The following RRH variants were observed in gnomAD, a reference collection of about 807,000 sequenced individuals.
The protein encoded by RRH is visual pigment-like receptor peropsin.
Under a neutral mutation model 33.1 loss-of-function variants are expected in RRH, and 36 were observed. The observed-to-expected ratio is 1.09, with a 90% confidence interval of 0.83 to 1.44. The LOEUF (loss-of-function observed/expected upper bound fraction) is 1.44. Among genes scored for constraint, RRH ranks in the 40% most tolerant of loss-of-function variants. The pLI is 0.00. For synonymous variants in RRH, 124 were observed against 140.2 expected (o/e 0.88, Z 0.82); for missense variants, 393 against 420.2 (o/e 0.94, Z 0.57).
At chr4:109,828,514 G>C (rs935971595) in intron 1 of RRH, among the ~76,000 whole-genome samples, 1 of 151,882 alleles carries the variant, frequency 6.6e-6, no homozygotes, top group Non-Finnish European at 1.5e-5. Flanking sequence ...AGAAGAGTAT[G>C]CACCATGGCA....
chr4:109,830,762 A>G (rs1733731607), intron 1 of RRH, among the ~76,000 whole-genome samples: 1 of 152,176 alleles, frequency 6.6e-6, no homozygotes, highest in African/African-American at 2.4e-5. Flanking sequence ...GTGAAAAGAA[A>G]GGGATCTAGG....
chr4:109,837,411 T>A, intron 4 of RRH, 26 bp from the exon 5 acceptor site: 12 of 1,607,250 alleles, frequency 7.5e-6, no homozygotes, highest in Non-Finnish European at 1.0e-5. Flanking sequence ...AAATGAGCAA[T>A]CATGATTGCC....
chr4:109,843,771 T>G lies in RRH; in HGVS notation c.900-312T>G, dbSNP rs181246376. ...CATCCTTTTAAATACATATAATTAT[T>G]TACTTTTAGTAGATGTCTTCAATCT... is the stretch of plus-strand genomic sequence containing the variant. On this transcript the variant is annotated intron_variant, in intron 6 of 6. Coordinates refer to ENST00000317735, the MANE Select transcript of RRH (RefSeq NM_006583.5). Among the ~76,000 whole-genome samples the G allele has an allele frequency of 1.1e-4, 17 of 152,326 alleles. No individual in the cohort carries two copies. In the East Asian group the frequency reaches 3.3e-3, roughly 29 times the overall value.
chr4:109,831,840 C>G (rs1199624751), intron 1 of RRH, among the ~76,000 whole-genome samples: 1 of 151,998 alleles, frequency 6.6e-6, no homozygotes, highest in Admixed American at 6.6e-5. Flanking sequence ...AGGAGAAGAA[C>G]CATGGTTAAG....
intron 2 of RRH, among the ~76,000 whole-genome samples, chr4:109,834,871 C>G (rs544695010): frequency 1.4e-4 from 22 of 152,294 alleles, no homozygotes; most frequent in African/African-American, 5.3e-4. Context: ...TTGGGATTGT[C>G]AGACTTTTAA....
chr4:109,837,608 A>T lies in RRH; in HGVS notation c.720+3A>T. On this transcript the variant is annotated splice_donor_region_variant and intron_variant, in intron 5 of 6. Transcript: ENST00000317735. The stretch of plus-strand genomic sequence containing the variant: ...CAGATCAGATAGATGTAACAAAGGT[A>T]AGAGATCAAAATCCTTGAAAAATTG... 1.2e-6 allele frequency: 2 copies of T among 1,612,436 alleles called. No homozygotes were observed. Among genetic ancestry groups the T allele is most frequent in the Non-Finnish European group, 1.7e-6 (2 of 1,178,764 alleles).
chr4:109,835,436 G>A lies in RRH; in HGVS notation c.368G>A (p.Arg123Gln), dbSNP rs145491028. The change falls in exon 3 of 7, where the codon CGA (arginine) becomes CAA (glutamine). Residue 123 changes from arginine (R) to glutamine (Q), a missense_variant. Physicochemically the swap from Arg to Gln is conservative, Grantham distance 43. Coordinates refer to ENST00000317735, the MANE Select transcript of RRH (RefSeq NM_006583.5). ...TTACTCACGGTCGTGGCTGTGGACC[G>A]ATACCTGACCATCTGCCTTCCTGAC... ...IGLLTVVAVD[R>Q]YLTICLPDVG... 40 of 1,613,604 alleles carry A rather than the reference G, an allele frequency of 2.5e-5. No homozygotes were observed. The highest frequency in any genetic ancestry group is 3.1e-5 in the Non-Finnish European group (36 of 1,179,722).
intron 1 of RRH, among the ~76,000 whole-genome samples, chr4:109,830,342 C>G (rs1027014030): frequency 1.2e-4 from 18 of 152,068 alleles, no homozygotes; most frequent in African/African-American, 4.1e-4. Flanking sequence ...GTGACATGAT[C>G]TGATTTGTGT....
Position 109,837,606 on chromosome 4 carries a change from G to A in RRH, c.720+1G>A. 1 of 1,612,918 alleles carries A rather than the reference G, an allele frequency of 6.2e-7. No homozygotes were observed. Among genetic ancestry groups the A allele is most frequent in the Non-Finnish European group, 8.5e-7 (1 of 1,179,128 alleles). ...GTCAGATCAGATAGATGTAACAAAG[G>A]TAAGAGATCAAAATCCTTGAAAAAT... On this transcript the variant is annotated splice_donor_variant, in intron 5 of 6. Transcript: ENST00000317735. LOFTEE classifies it high-confidence loss of function.
chr4:109,835,334 A>G (rs775170663), intron 2 of RRH, 32 bp from the exon 3 acceptor site: 1 of 1,429,534 alleles, frequency 7.0e-7, no homozygotes, highest in Non-Finnish European at 9.9e-7. Flanking sequence ...GGGTGTTTAG[A>G]ATGGTAGAGT....
chr4:109,844,372 T>G lies in RRH; in HGVS notation c.*175T>G. On this transcript the variant is annotated 3_prime_UTR_variant, in exon 7 of 7. Coordinates refer to ENST00000317735, the MANE Select transcript of RRH (RefSeq NM_006583.5). ...GCACTCTGGCTGCTGTAGTGTATGC[T>G]TCTCTGTGTCCTGATATATCAACTT... The G allele has an allele frequency of 1.9e-6, 1 of 536,804 alleles. No homozygotes were observed. The highest frequency in any genetic ancestry group is 3.4e-6 in the Non-Finnish European group (1 of 293,828). 33.3% of individuals were successfully genotyped at this position (536,804 alleles called of 1,614,324 possible).
chr4:109,839,105 G>GTTTCTACTTTCTGGGAGA (rs1560585599), intron 5 of RRH, among the ~76,000 whole-genome samples: 4 of 150,072 alleles, frequency 2.7e-5, no homozygotes, highest in African/African-American at 1.0e-4. Context: ...TGTGGTTGTT[G>GTTTCTACTTTCTGGGAGA]TTTGTTTCTT....
At chr4:109,828,792 T>A (rs575222586) in intron 1 of RRH, among the ~76,000 whole-genome samples, 1 of 152,236 alleles carries the variant, frequency 6.6e-6, no homozygotes, top group South Asian at 2.1e-4. Flanking sequence ...CATTTTCTCA[T>A]CTGTAAAACA....
intron 4 of RRH, 111 bp downstream of exon 4, chr4:109,836,271 A>C: frequency 8.9e-7 from 1 of 1,122,790 alleles, no homozygotes; most frequent in Non-Finnish European, 1.3e-6. Flanking sequence ...GTGGCGAAGC[A>C]CTTCCCTGGT....
intron 5 of RRH, among the ~76,000 whole-genome samples, chr4:109,839,099 G>T (rs1174758672): frequency 3.3e-5 from 5 of 149,822 alleles, no homozygotes; most frequent in African/African-American, 1.3e-4. Flanking sequence ...TTCTTTTGTG[G>T]TTGTTGTTTG....
chr4:109,841,694 A>G (rs1733985542), intron 5 of RRH, among the ~76,000 whole-genome samples: 1 of 152,130 alleles, frequency 6.6e-6, no homozygotes, highest in Non-Finnish European at 1.5e-5. Flanking sequence ...ACTTATTTAT[A>G]AAATTATTCT....
chr4:109,836,891 CAAAAAA>C (rs56989659), intron 4 of RRH, among the ~76,000 whole-genome samples: 1 of 84,416 alleles, frequency 1.2e-5, no homozygotes, highest in African/African-American at 6.0e-5. Flanking sequence ...CCTGTCTCTA[CAAAAAA>C]AAAAAAAAAA....
chr4:109,836,177 C>T lies in RRH; in HGVS notation c.551+17C>T. 1 of 1,612,594 alleles carries T rather than the reference C, an allele frequency of 6.2e-7. No homozygotes were observed. The highest frequency in any genetic ancestry group is 8.5e-7 in the Non-Finnish European group (1 of 1,178,672). On this transcript the variant is annotated intron_variant, in intron 4 of 6. Transcript: ENST00000317735. ...AAATGATAGGTAAGAGACAAGTTTACACTTTATAATCAAATGCTTCTAATG... is the reference window on the plus strand; with the variant it reads ...AAATGATAGGTAAGAGACAAGTTTATACTTTATAATCAAATGCTTCTAATG...
In RRH at chr4:109,844,472, T is replaced by C. The variant is rs775683775; in HGVS notation, c.*275T>C. 2.3e-5 allele frequency: 8 copies of C among 346,382 alleles called. No homozygotes were observed. The highest frequency in any genetic ancestry group is 3.9e-5 in the Non-Finnish European group (7 of 181,366). The allele number at this position is 346,382 out of a possible 1,614,324, so 21.5% of individuals were successfully genotyped here. ...TCTTTCTCCCTATTATGGCATGCAT[T>C]ACACTGTACTGATGACCTTTAACTT... On this transcript the variant is annotated 3_prime_UTR_variant, in exon 7 of 7. Coordinates refer to ENST00000317735, the MANE Select transcript of RRH (RefSeq NM_006583.5).
Sources: gnomAD v4.1 joint callset for allele counts (sites outside exome capture counted in the v4.1 genomes callset) on GRCh38, gnomAD v4.1.1 for gene constraint, MANE v1.5 for transcripts, NCBI Gene and HGNC (gene_info 2026-07-23, HGNC 2026-07-21) for gene names.